Variants in ATP2B1 observed in about 807,000 individuals in gnomAD.
ATP2B1 encodes the protein ATPase plasma membrane Ca2+ transporting 1.
ATP2B1 carries 14 observed loss-of-function variants against 124.2 expected under a neutral mutation model. That is an observed-to-expected ratio of 0.11 (90% confidence interval 0.07 to 0.18). The LOEUF (loss-of-function observed/expected upper bound fraction) is 0.18. Ranked by LOEUF, ATP2B1 falls within the 10% of genes least tolerant of loss-of-function variation. ATP2B1 has a pLI of 1.00. For missense variants in ATP2B1, 763 were observed against 1,466.1 expected, an observed-to-expected ratio of 0.52 and a Z score of 7.83; for synonymous variants, 449 against 492.4, an observed-to-expected ratio of 0.91 and a Z score of 1.17.
intron 3 of ATP2B1, among the ~76,000 whole-genome samples, chr12:89,635,752 C>G (rs1882596466): frequency 6.6e-6 from 1 of 152,164 alleles, no homozygotes; most frequent in Non-Finnish European, 1.5e-5. Context: ...ATGAATCATG[C>G]TTATTTACTA....
chr12:89,699,549 T>C (rs1249016200), intron 1 of ATP2B1, among the ~76,000 whole-genome samples: 1 of 152,136 alleles, frequency 6.6e-6, no homozygotes, highest in Non-Finnish European at 1.5e-5. Flanking sequence ...AAAAGCCAAA[T>C]TTTCAAGAGA....
chr12:89,605,856 G>A (rs570333662), intron 15 of ATP2B1, among the ~76,000 whole-genome samples: 2 of 152,264 alleles, frequency 1.3e-5, no homozygotes, highest in African/African-American at 4.8e-5. Context: ...GCTGAGAGAC[G>A]TATCTCTTAG....
intron 1 of ATP2B1, among the ~76,000 whole-genome samples, chr12:89,682,876 C>A (rs1889523700): frequency 6.6e-6 from 1 of 152,058 alleles, no homozygotes; most frequent in Non-Finnish European, 1.5e-5. Flanking sequence ...CAAAACACAA[C>A]ATAAGCAAAG....
At chr12:89,601,546 A>G in intron 18 of ATP2B1, 113 bp from the exon 19 acceptor site, 1 of 588,110 alleles carries the variant, frequency 1.7e-6, no homozygotes, top group South Asian at 2.8e-5. Flanking sequence ...CACTATTCTG[A>G]TGAATTGTAT....
At chr12:89,618,565 G>A (rs1178972262) in intron 11 of ATP2B1, among the ~76,000 whole-genome samples, 2 of 152,216 alleles carry the variant, frequency 1.3e-5, no homozygotes, top group African/African-American at 4.8e-5. Context: ...GTAACTGAGT[G>A]TACTGTGGCA....
At chr12:89,707,192 G>A (rs974968298) in intron 1 of ATP2B1, among the ~76,000 whole-genome samples, 8 of 152,226 alleles carry the variant, frequency 5.3e-5, no homozygotes, top group South Asian at 2.1e-4. Context: ...AGGGAGTCTC[G>A]GGAAGGCTGG....
At position 89,589,142 on chromosome 12, in the gene ATP2B1, T is replaced by G. The variant is rs1873116431; in HGVS notation, c.*1842A>C. 1 of 152,636 alleles carries G rather than the reference T, an allele frequency of 6.6e-6. No homozygotes were observed. Among genetic ancestry groups the G allele is most frequent in the Non-Finnish European group, 1.5e-5 (1 of 68,016 alleles). 9.5% of individuals were successfully genotyped at this position (152,636 alleles called of 1,614,324 possible). On this transcript the variant is annotated 3_prime_UTR_variant, in exon 21 of 21. Transcript: ENST00000428670. ...TGTGTTTCTAAGACCTGCAGAGGAT[T>G]ACTGCAAAGATTTGATGGTGAGAAA...
chr12:89,614,335 T>C (rs1485189082), intron 12 of ATP2B1, among the ~76,000 whole-genome samples: 3 of 152,130 alleles, frequency 2.0e-5, no homozygotes, highest in Admixed American at 2.0e-4. Flanking sequence ...GAAGACTCCT[T>C]CCTTAAAGAA....
At chr12:89,702,922 TA>T (rs1355181510) in intron 1 of ATP2B1, among the ~76,000 whole-genome samples, 1 of 152,076 alleles carries the variant, frequency 6.6e-6, no homozygotes, top group East Asian at 1.9e-4. Context: ...AAATAGCTTT[TA>T]AAAATATGGC....
At chr12:89,678,090 C>G (rs542866491) in intron 1 of ATP2B1, among the ~76,000 whole-genome samples, 1 of 150,478 alleles carries the variant, frequency 6.6e-6, no homozygotes. Flanking sequence ...ACCTAACTGG[C>G]CCCTACTTAA....
intron 1 of ATP2B1, among the ~76,000 whole-genome samples, chr12:89,701,717 G>GT (rs1565933841): frequency 1.3e-5 from 2 of 152,046 alleles, no homozygotes; most frequent in East Asian, 1.9e-4. Flanking sequence ...AGTTAATTTG[G>GT]TTTTTTTGTT....
chr12:89,659,101 A>T (rs185426192), intron 1 of ATP2B1, among the ~76,000 whole-genome samples: 4 of 152,370 alleles, frequency 2.6e-5, no homozygotes, highest in East Asian at 1.9e-4. Context: ...ACAACATGAC[A>T]ATCAAGTTGA....
chr12:89,619,872 C>T, intron 11 of ATP2B1, 127 bp downstream of exon 11: 3 of 1,220,830 alleles, frequency 2.5e-6, no homozygotes, highest in Non-Finnish European at 3.4e-6. Context: ...ATAAAATATG[C>T]TAAAAAACTC....
intron 11 of ATP2B1, among the ~76,000 whole-genome samples, chr12:89,619,612 A>C (rs1329815085): frequency 1.9e-5 from 2 of 107,500 alleles, no homozygotes; most frequent in Non-Finnish European, 4.1e-5. Context: ...CTCCACCTTA[A>C]ACAAATAAAA....
intron 1 of ATP2B1, among the ~76,000 whole-genome samples, chr12:89,704,906 T>C (rs554213783): frequency 2.1e-4 from 32 of 152,302 alleles, no homozygotes; most frequent in South Asian, 1.2e-3. Flanking sequence ...TTGGACACTA[T>C]TGAGTATACC....
At chr12:89,652,081 T>C (rs547907572) in intron 2 of ATP2B1, among the ~76,000 whole-genome samples, 2 of 152,316 alleles carry the variant, frequency 1.3e-5, no homozygotes, top group South Asian at 4.1e-4. Context: ...TCATTTTTTT[T>C]AAACATGTAT....
chr12:89,642,615 G>GT (rs1883729203), intron 2 of ATP2B1, among the ~76,000 whole-genome samples: 1 of 151,848 alleles, frequency 6.6e-6, no homozygotes, highest in South Asian at 2.1e-4. Context: ...TATTTTGCTT[G>GT]TTTTTTTGAG....
At chr12:89,654,147 G>T (rs529129509) in intron 2 of ATP2B1, among the ~76,000 whole-genome samples, 1 of 152,134 alleles carries the variant, frequency 6.6e-6, no homozygotes, top group South Asian at 2.1e-4. Context: ...TCTCAAAGTC[G>T]GTTTGCATAA....
chr12:89,637,485 C>T (rs1186922877), intron 3 of ATP2B1, among the ~76,000 whole-genome samples: 1 of 151,446 alleles, frequency 6.6e-6, no homozygotes, highest in African/African-American at 2.4e-5. Context: ...CAATGTGGCT[C>T]ACTGCATGCT....
Sources: allele counts gnomAD v4.1 joint callset (sites outside exome capture counted in the v4.1 genomes callset), GRCh38; gene constraint gnomAD v4.1.1; transcripts MANE v1.5; gene names NCBI Gene and HGNC (gene_info 2026-07-23, HGNC 2026-07-21).